Variants in TRAPPC10 observed in about 807,000 individuals in gnomAD.
TRAPPC10 encodes the protein TRAPP 130 kDa subunit.
A neutral mutation model predicts 125.5 loss-of-function variants in TRAPPC10; 23 were observed. The observed-to-expected ratio is 0.18, with a 90% confidence interval of 0.13 to 0.26. The LOEUF is 0.26. TRAPPC10 is among the 10% of genes least tolerant of loss of function. The pLI is 1.00. For synonymous variants in TRAPPC10, 509 were observed against 518.0 expected (o/e 0.98, Z 0.24); for missense variants, 1,123 against 1,308.4 (o/e 0.86, Z 2.19).
intron 3 of TRAPPC10, among the ~76,000 whole-genome samples, chr21:44,041,010 T>C (rs542094188): frequency 5.3e-5 from 8 of 152,354 alleles, no homozygotes; most frequent in African/African-American, 1.9e-4. Flanking sequence ...TTAGAGTCTA[T>C]CACTTGAATT....
intron 4 of TRAPPC10, among the ~76,000 whole-genome samples, chr21:44,055,156 T>G (rs1174221405): frequency 6.6e-6 from 1 of 152,180 alleles, no homozygotes; most frequent in African/African-American, 2.4e-5. Flanking sequence ...TGTAAATCCC[T>G]TTCCCCCTTT....
intron 7 of TRAPPC10, among the ~76,000 whole-genome samples, chr21:44,065,850 T>C (rs2036410618): frequency 1.3e-5 from 2 of 152,302 alleles, no homozygotes; most frequent in African/African-American, 4.8e-5. Context: ...TTTCTCTTTC[T>C]CTCCTTTTTT....
intron 1 of TRAPPC10, 44 bp downstream of exon 1, chr21:44,012,604 G>T (rs1171879446): frequency 2.0e-6 from 3 of 1,504,720 alleles, no homozygotes; most frequent in Non-Finnish European, 2.7e-6. Context: ...CGTTGGGCGG[G>T]CCCGGGCCCT....
At chr21:44,012,835 G>A (rs1325996458) in intron 1 of TRAPPC10, among the ~76,000 whole-genome samples, 9 of 151,866 alleles carry the variant, frequency 5.9e-5, no homozygotes, top group African/African-American at 2.2e-4. Context: ...CCCGGGACTG[G>A]GCGCGCGCCG....
chr21:44,045,341 A>G (rs1430498944), intron 3 of TRAPPC10, among the ~76,000 whole-genome samples: 1 of 151,530 alleles, frequency 6.6e-6, no homozygotes, highest in Non-Finnish European at 1.5e-5. Context: ...CTGTTACGGT[A>G]AGCTCTTTCA....
At chr21:44,032,400 T>TTG (rs1180477081) in intron 2 of TRAPPC10, among the ~76,000 whole-genome samples, 13 of 149,566 alleles carry the variant, frequency 8.7e-5, no homozygotes, top group Admixed American at 4.7e-4. Context: ...TTTTTTTTTT[T>TTG]GAGACAGAGT....
At chr21:44,014,154 C>T (rs2031526497) in intron 1 of TRAPPC10, among the ~76,000 whole-genome samples, 1 of 152,144 alleles carries the variant, frequency 6.6e-6, no homozygotes, top group Admixed American at 6.5e-5. Context: ...TATTTATAGG[C>T]ATTATGTAAA....
intron 15 of TRAPPC10, among the ~76,000 whole-genome samples, chr21:44,086,177 G>A (rs2038117872): frequency 6.6e-6 from 1 of 152,228 alleles, no homozygotes; most frequent in Non-Finnish European, 1.5e-5. Flanking sequence ...CAGGCTCATG[G>A]CCTGGCTCCT....
chr21:44,080,204 A>G, intron 13 of TRAPPC10, 77 bp downstream of exon 13: 1 of 1,236,866 alleles, frequency 8.1e-7, no homozygotes, highest in Non-Finnish European at 1.2e-6. Flanking sequence ...AGATATACCA[A>G]CCACTTACAG....
intron 13 of TRAPPC10, among the ~76,000 whole-genome samples, chr21:44,081,756 G>A (rs924391128): frequency 2.6e-5 from 4 of 152,172 alleles, no homozygotes; most frequent in Non-Finnish European, 1.5e-5. Context: ...GCGGGCACCT[G>A]TAGTCCCAGC....
At chr21:44,061,241 A>G (rs919600340) in intron 6 of TRAPPC10, among the ~76,000 whole-genome samples, 10 of 152,066 alleles carry the variant, frequency 6.6e-5, no homozygotes, top group African/African-American at 2.4e-4. Flanking sequence ...GGTTCACGCC[A>G]TTCTCCTGCC....
intron 2 of TRAPPC10, among the ~76,000 whole-genome samples, chr21:44,034,241 G>T (rs574152270): frequency 6.6e-6 from 1 of 152,214 alleles, no homozygotes; most frequent in Non-Finnish European, 1.5e-5. Context: ...CTGGAGATGG[G>T]GGTTGGCAGA....
intron 19 of TRAPPC10, among the ~76,000 whole-genome samples, chr21:44,093,575 C>T (rs1249886933): frequency 6.6e-6 from 1 of 152,028 alleles, no homozygotes; most frequent in Non-Finnish European, 1.5e-5. Context: ...CTGGGCAACA[C>T]GGTGAAACCC....
chr21:44,086,690 G>T, intron 15 of TRAPPC10, 112 bp from the exon 16 acceptor site: 1 of 1,200,148 alleles, frequency 8.3e-7, no homozygotes, highest in South Asian at 1.4e-5. Flanking sequence ...AGATCCCAAA[G>T]GAGCAAATCT....
chr21:44,048,287 T>C (rs2034993203), intron 3 of TRAPPC10, among the ~76,000 whole-genome samples: 1 of 152,142 alleles, frequency 6.6e-6, no homozygotes, highest in African/African-American at 2.4e-5. Context: ...CTCTGTGTCC[T>C]CAACTCAGGG....
chr21:44,059,765 AC>A lies in TRAPPC10; in HGVS notation c.790+553del. The A allele has an allele frequency of 2.2e-5, 10 of 448,562 alleles. No individual in the cohort carries two copies. The highest frequency in any genetic ancestry group is 7.9e-6 in the Non-Finnish European group (2 of 253,776). The allele number at this position is 448,562 out of a possible 1,614,324, so 27.8% of individuals were successfully genotyped here. On this transcript the variant is annotated intron_variant, in intron 6 of 22. Transcript: ENST00000291574. The surrounding 1 kb of genome is among the most constrained non-coding windows in gnomAD (Gnocchi z 4.4). ...TGATACTTATTTTGATGAAAGTGAT[AC>A]CACGTTATATAGCTGTTTCTCTGTC...
intron 13 of TRAPPC10, among the ~76,000 whole-genome samples, chr21:44,081,017 CTTTTTTTTTTTTTTTT>C (rs67865929): frequency 1.1e-4 from 11 of 97,196 alleles, no homozygotes; most frequent in Non-Finnish European, 2.2e-4. Context: ...TTTTTTTTTT[CTTTTTTTTTTTTTTTT>C]TTTTGACTAT....
At chr21:44,054,877 T>C (rs1034619900) in intron 4 of TRAPPC10, among the ~76,000 whole-genome samples, 3 of 152,184 alleles carry the variant, frequency 2.0e-5, no homozygotes, top group South Asian at 2.1e-4. Flanking sequence ...GGGATGGTGA[T>C]TGGGGGAGGT....
At chr21:44,032,949 TG>T (rs2033705229) in intron 2 of TRAPPC10, among the ~76,000 whole-genome samples, 6 of 152,150 alleles carry the variant, frequency 3.9e-5, no homozygotes. Flanking sequence ...AACAGAAAGA[TG>T]GTATTTAAAA....
Sources: allele counts gnomAD v4.1 joint callset (sites outside exome capture counted in the v4.1 genomes callset), GRCh38; gene constraint gnomAD v4.1.1; non-coding constraint Gnocchi (gnomAD v3.1); transcripts MANE v1.5; gene names NCBI Gene and HGNC (gene_info 2026-07-23, HGNC 2026-07-21).